Variants in MACF1 observed in about 807,000 individuals in gnomAD.
MACF1 encodes the protein microtubule actin crosslinking factor 1, also known as microtubule-actin cross-linking factor 1.
In MACF1, 193 loss-of-function variants were observed where a neutral mutation model predicts 854.8. The ratio of observed to expected loss-of-function variants is 0.23; its 90% CI spans 0.20 to 0.25. The LOEUF is 0.25. Ranked by LOEUF, MACF1 falls within the 10% of genes least tolerant of loss-of-function variation. The pLI, the probability that MACF1 is intolerant of heterozygous loss-of-function variation, is 1.00. For synonymous variants in MACF1, 3,185 were observed against 3,226.7 expected, an observed-to-expected ratio of 0.99 and a Z score of 0.44; for missense variants, 7,722 against 8,929.1, an observed-to-expected ratio of 0.86 and a Z score of 5.45.
In MACF1 at chr1:39,283,952, T is replaced by C. The variant is rs1645599628; in HGVS notation, c.916-114T>C. 8.5e-7 allele frequency: 1 copy of C among 1,170,350 alleles called. No individual in the cohort carries two copies. Among genetic ancestry groups the C allele is most frequent in the Admixed American group, 2.2e-5 (1 of 45,828 alleles). 72.5% of individuals were successfully genotyped at this position (1,170,350 alleles called of 1,614,324 possible). The stretch of plus-strand genomic sequence containing the variant: ...TGTGAGCATTAAACTGAGCAGCATC[T>C]AGGCAATTAAAGGAAATGGATTTTA... On this transcript the variant is annotated intron_variant, in intron 9 of 100. Transcript: ENST00000564288. This position sits in a 1 kb window ranked among gnomAD's most constrained non-coding sequence, Gnocchi z 4.5.
rs1483315085 is a variant in MACF1 at position 39,319,726 on chromosome 1, G to A, written c.4008G>A (p.Gln1336=). 5 of 1,613,376 alleles carry A rather than the reference G, an allele frequency of 3.1e-6. No individual in the cohort carries two copies. The highest frequency in any genetic ancestry group is 3.3e-5 in the Admixed American group (2 of 59,952). The part of the protein sequence containing the change: ...TKLDQCQKFS[Q]QYSTIVKDYE... ...TGGATCAATGTCAAAAATTTTCCCA[G>A]CAGTACTCTACTATTGTAAAGGTAA... The change falls in exon 31 of 101, where the codon CAG becomes CAA. Residue 1336 remains glutamine (Q), a synonymous_variant. Transcript: ENST00000564288.
At chr1:39,340,431 A>T in intron 38 of MACF1, 71 bp from the exon 39 acceptor site, 2 of 1,084,582 alleles carry the variant, frequency 1.8e-6, no homozygotes, top group Non-Finnish European at 2.8e-6. Context: ...TGAGAGAGAA[A>T]TGTGTTCACA....
chr1:39,244,266 C>T (rs566641937), intron 2 of MACF1, among the ~76,000 whole-genome samples: 6 of 151,230 alleles, frequency 4.0e-5, no homozygotes, highest in South Asian at 2.1e-4. Context: ...CACCACGCCC[C>T]GCTAATTTTT....
Position 39,283,599 on chromosome 1 carries a change from A to T in MACF1, c.915+84A>T. On this transcript the variant is annotated intron_variant, in intron 9 of 100. Transcript: ENST00000564288. This position sits in a 1 kb window ranked among gnomAD's most constrained non-coding sequence, Gnocchi z 4.5. ...TGGTTAGACACTTTCTTAAGCACTTATGGTATACTCATGGTATCAAACTAT... is the reference window on the plus strand; with the variant it reads ...TGGTTAGACACTTTCTTAAGCACTTTTGGTATACTCATGGTATCAAACTAT... 1.1e-6 allele frequency: 1 copy of T among 917,916 alleles called. No homozygotes were observed. The highest frequency in any genetic ancestry group is 1.8e-6 in the Non-Finnish European group (1 of 560,446). 56.9% of individuals were successfully genotyped at this position (917,916 alleles called of 1,614,324 possible). A position where few individuals can be genotyped will look rare whatever the true frequency, so the allele number is the denominator to read the frequency against.
intron 58 of MACF1, among the ~76,000 whole-genome samples, chr1:39,420,205 G>A (rs1194522437): frequency 1.3e-5 from 2 of 152,204 alleles, no homozygotes; most frequent in African/African-American, 4.8e-5. Context: ...GTCAGTTGTA[G>A]AGTGAGATAG....
upstream of MACF1, among the ~76,000 whole-genome samples, chr1:39,203,351 T>C (rs115389361): frequency 0.037 from 5,620 of 152,174 alleles, 157 homozygotes; most frequent in Middle Eastern, 0.068. Context: ...TATACACACA[T>C]ACCATCTCAT....
At chr1:39,340,345 G>A (rs568840301) in intron 38 of MACF1, among the ~76,000 whole-genome samples, 157 bp from the exon 39 acceptor site, 103 of 152,260 alleles carry the variant, frequency 6.8e-4, no homozygotes, top group Non-Finnish European at 1.2e-3. Flanking sequence ...ATGAATTAGT[G>A]ATTGTGAGAA....
At chr1:39,351,202 A>G (rs890586975) in intron 43 of MACF1, among the ~76,000 whole-genome samples, 184 bp downstream of exon 43, 1 of 152,186 alleles carries the variant, frequency 6.6e-6, no homozygotes, top group Admixed American at 6.5e-5. Context: ...GCTGGAGTGC[A>G]GTGGCATGAT....
intron 2 of MACF1, among the ~76,000 whole-genome samples, chr1:39,088,736 C>A (rs1641735536): frequency 1.3e-5 from 2 of 152,158 alleles, no homozygotes; most frequent in South Asian, 4.1e-4. Context: ...TCCCTTGGGA[C>A]CTGTGGGGAG....
intron 38 of MACF1, 31 bp downstream of exon 38, chr1:39,337,362 C>G: frequency 1.9e-6 from 3 of 1,607,612 alleles, no homozygotes; most frequent in Admixed American, 1.7e-5. Context: ...ACCACAGACA[C>G]CAGCTTCAAG....
At chr1:39,169,429 C>G (rs1643916170) in intron 2 of MACF1, among the ~76,000 whole-genome samples, 1 of 152,028 alleles carries the variant, frequency 6.6e-6, no homozygotes, top group African/African-American at 2.4e-5. Flanking sequence ...AACTGTGTCT[C>G]TACAAGAAAA....
chr1:39,486,070 T>TA lies in MACF1; in HGVS notation c.*288dup, dbSNP rs3839022. On this transcript the variant is annotated 3_prime_UTR_variant, in exon 101 of 101. Coordinates refer to ENST00000564288, the MANE Select transcript of MACF1 (RefSeq NM_001394062.1). ...AAAAGGTCAAGATACAAATGTGTAT[T>TA]AAAAAAAAAAAAGCCTATTAATAGG... 0.018 allele frequency: 4,208 copies of TA among 230,600 alleles called. 6 individuals carry two copies. The highest frequency in any genetic ancestry group is 0.032 in the Middle Eastern group (25 of 788). The allele number at this position is 230,600 out of a possible 1,614,324, so 14.3% of individuals were successfully genotyped here.
At chr1:39,296,174 GCACCAACC>G (rs1645896241) in intron 20 of MACF1, among the ~76,000 whole-genome samples, 1 of 152,184 alleles carries the variant, frequency 6.6e-6, no homozygotes. Context: ...AGGTGCTGAA[GCACCAACC>G]CATGTGTCTC....
rs1428098857 is a variant in MACF1 at position 39,231,234 on chromosome 1, C to T, written c.162C>T (p.His54=). ...CGTTCACCAAGTGGGTCAACAAGCA[C>T]TTAATGAAGGTAGGACCCTTTCATA... ...KKTFTKWVNK[H]LMKVRKHIND... is the part of the protein sequence containing the mutation. The change falls in exon 2 of 101, where the codon CAC becomes CAT. Residue 54 remains histidine, a synonymous_variant. Transcript: ENST00000564288. The T allele has an allele frequency of 6.2e-7, 1 of 1,614,194 alleles. No homozygotes were observed. Among genetic ancestry groups the T allele is most frequent in the Non-Finnish European group, 8.5e-7 (1 of 1,179,994 alleles).
At chr1:39,466,297 T>C (rs545906584) in intron 95 of MACF1, among the ~76,000 whole-genome samples, 15 of 152,332 alleles carry the variant, frequency 9.8e-5, no homozygotes, top group Non-Finnish European at 1.8e-4. Context: ...TTTTTAGAGC[T>C]GCCATAATCC....
At chr1:39,136,894 A>G (rs1643186610) in intron 2 of MACF1, among the ~76,000 whole-genome samples, 2 of 152,138 alleles carry the variant, frequency 1.3e-5, no homozygotes. Flanking sequence ...TTCAGTTTGA[A>G]ATTTGAAGTT....
chr1:39,337,142 G>T, intron 37 of MACF1, 40 bp from the exon 38 acceptor site: 1 of 1,571,368 alleles, frequency 6.4e-7, no homozygotes. Flanking sequence ...ACTTACAGGA[G>T]AACGTCAGAA....
chr1:39,153,877 A>C (rs1205964614), intron 2 of MACF1, among the ~76,000 whole-genome samples: 1 of 152,186 alleles, frequency 6.6e-6, no homozygotes, highest in African/African-American at 2.4e-5. Context: ...CACTGCTGCC[A>C]GGGGGAGACA....
In MACF1 at chr1:39,409,032, G is replaced by A. The variant is rs1642854316; in HGVS notation, c.15817-13342G>A. Reference sequence around the variant, plus strand: ...GGCTGCCCGGGCGGGGCGGCGCAGCGCGGCGGCGCGGGGAAGGGGGAGGAG... The same window carrying A: ...GGCTGCCCGGGCGGGGCGGCGCAGCACGGCGGCGCGGGGAAGGGGGAGGAG... On this transcript the variant is annotated intron_variant, in intron 58 of 100. Coordinates refer to ENST00000564288, the MANE Select transcript of MACF1 (RefSeq NM_001394062.1). The surrounding 1 kb of genome is among the most constrained non-coding windows in gnomAD (Gnocchi z 4.2). 6.6e-6 allele frequency among the ~76,000 whole-genome samples: 1 copy of A among 151,590 alleles called. No individual in the cohort carries two copies.
Sources: allele counts gnomAD v4.1 joint callset (sites outside exome capture counted in the v4.1 genomes callset), GRCh38; gene constraint gnomAD v4.1.1; non-coding constraint Gnocchi (gnomAD v3.1); transcripts MANE v1.5; gene names NCBI Gene and HGNC (gene_info 2026-07-23, HGNC 2026-07-21).